The following NBR1 variants were observed in gnomAD, a reference collection of about 807,000 sequenced individuals.
NBR1 encodes NBR1 autophagy cargo receptor.
NBR1 carries 59 observed loss-of-function variants against 115.5 expected under a neutral mutation model. The observed-to-expected ratio is 0.51, with a 90% CI of 0.41 to 0.63. NBR1 has a LOEUF of 0.63. Ranked by LOEUF, NBR1 falls within the 30% of genes least tolerant of loss-of-function variation. NBR1 has a pLI of 0.00. For missense variants in NBR1, 1,043 were observed against 1,150.5 expected (o/e 0.91, Z 1.35); for synonymous variants, 373 against 414.7 (o/e 0.90, Z 1.22).
At chr17:43,206,260 T>C (rs1029090707) in intron 20 of NBR1, among the ~76,000 whole-genome samples, 1 of 152,050 alleles carries the variant, frequency 6.6e-6, no homozygotes, top group African/African-American at 2.4e-5. Context: ...ATTTTAAGGC[T>C]AATTAATAGG....
chr17:43,209,488 G>T, intron 20 of NBR1: 1 of 1,275,062 alleles, frequency 7.8e-7, no homozygotes, highest in Non-Finnish European at 1.1e-6. Context: ...ATTTCCCATA[G>T]CATCTTTCAG....
Position 43,203,682 on chromosome 17 carries a change from C to G in NBR1, c.2623C>G (p.His875Asp), listed in dbSNP as rs765864085. The change falls in exon 20 of 21, where the codon CAC (histidine) becomes GAC (aspartate). Residue 875 changes from histidine to aspartate, a missense_variant and splice_region_variant. Transcript: ENST00000590996. ...AGATAATTTGGTTTTCCTCTGCAGGCACCATCATGGGAGCAGCATTGCTGG... is the reference window on the plus strand; with the variant it reads ...AGATAATTTGGTTTTCCTCTGCAGGGACCATCATGGGAGCAGCATTGCTGG... ...SRQKSYDHSR[H>D]HHGSSIAGGL... The G allele has an allele frequency of 1.2e-6, 2 of 1,602,774 alleles. No individual in the cohort carries two copies. The highest frequency in any genetic ancestry group is 1.7e-6 in the Non-Finnish European group (2 of 1,172,576).
rs371782379 is a variant in NBR1 at position 43,180,803 on chromosome 17, G to A, written c.193G>A (p.Glu65Lys). ...ATTTTTTGTTCTTTTAGGAGAATAT[G>A]AAGAAGCGCTTAAGGTAATGATTAT... is the stretch of plus-strand genomic sequence containing the variant. ...EVSINSQGEY[E>K]EALKMAVKQG... Residue 65 changes from glutamate to lysine, a missense_variant, in exon 5 of 21, where the codon GAA becomes AAA. Physicochemically the swap from Glu to Lys is moderately conservative, Grantham distance 56. Coordinates refer to ENST00000590996, the MANE Select transcript of NBR1 (RefSeq NM_005899.5). 9 of 1,456,312 alleles carry A rather than the reference G, an allele frequency of 6.2e-6. No homozygotes were observed. The African/African-American group carries it at 1.3e-4, about 21-fold the overall frequency. The allele number at this position is 1,456,312 out of a possible 1,614,324, so 90.2% of individuals were successfully genotyped here. A position where few individuals can be genotyped will look rare whatever the true frequency, so the allele number is the denominator to read the frequency against.
In NBR1 at chr17:43,211,418, A is replaced by G. The variant is rs2057413506; in HGVS notation, c.*1344A>G. 6.5e-6 allele frequency: 1 copy of G among 152,676 alleles called. No individual in the cohort carries two copies. The highest frequency in any genetic ancestry group is 2.4e-5 in the African/African-American group (1 of 41,464). 9.5% of individuals were successfully genotyped at this position (152,676 alleles called of 1,614,324 possible). ...TTAGTCATTAGCCATAATGATGTTTATTTACAGTATAACTCCTGAATGCTA... is the reference window on the plus strand; with the variant it reads ...TTAGTCATTAGCCATAATGATGTTTGTTTACAGTATAACTCCTGAATGCTA... On this transcript the variant is annotated 3_prime_UTR_variant, in exon 21 of 21. Transcript: ENST00000590996.
intron 5 of NBR1, among the ~76,000 whole-genome samples, chr17:43,182,581 C>T (rs1349416425): frequency 6.6e-6 from 1 of 150,862 alleles, no homozygotes; most frequent in Non-Finnish European, 1.5e-5. Context: ...ATGACAGCCA[C>T]TTTTTGGACA....
At position 43,210,581 on chromosome 17, in the gene NBR1, A is replaced by G; in HGVS notation, c.*507A>G. 2.5e-6 allele frequency: 1 copy of G among 398,542 alleles called. No homozygotes were observed. The highest frequency in any genetic ancestry group is 4.4e-6 in the Non-Finnish European group (1 of 226,046). The allele number at this position is 398,542 out of a possible 1,614,324, so 24.7% of individuals were successfully genotyped here. A position where few individuals can be genotyped will look rare whatever the true frequency, so the allele number is the denominator to read the frequency against. On this transcript the variant is annotated 3_prime_UTR_variant, in exon 21 of 21. Coordinates refer to ENST00000590996, the MANE Select transcript of NBR1 (RefSeq NM_005899.5). The stretch of plus-strand genomic sequence containing the variant: ...AAATAACACCCAGAGCATGATAGAA[A>G]TGTTGTTACTCTTCCTCTCTCAAGG...
chr17:43,208,893 G>A (rs752918010), intron 20 of NBR1, among the ~76,000 whole-genome samples: 3 of 152,240 alleles, frequency 2.0e-5, no homozygotes, highest in Middle Eastern at 3.4e-3. Context: ...CTTGAGCCCA[G>A]GAGGTTGAGG....
In NBR1 at chr17:43,210,026, A is replaced by G; in HGVS notation, c.2853A>G (p.Thr951=). ...ATTACAATATCCTGCAGGTTGTGAC[A>G]GAACTTCTTCAGTTAAACAACAACG... ...KHNYNILQVV[T]ELLQLNNNDW... is the part of the protein sequence containing the mutation. Residue 951 remains threonine, a synonymous_variant, in exon 21 of 21, where the codon ACA becomes ACG. Transcript: ENST00000590996. 1 of 1,613,410 alleles carries G rather than the reference A, an allele frequency of 6.2e-7. No individual in the cohort carries two copies. Among genetic ancestry groups the G allele is most frequent in the East Asian group, 2.2e-5 (1 of 44,858 alleles).
intron 17 of NBR1, 108 bp from the exon 18 acceptor site, chr17:43,201,578 G>A: frequency 1.5e-6 from 1 of 680,062 alleles, no homozygotes; most frequent in Non-Finnish European, 2.7e-6. Flanking sequence ...GATCAGAAAT[G>A]TGAAGCCTCT....
chr17:43,210,194 G>A lies in NBR1; in HGVS notation c.*120G>A, dbSNP rs140757173. The A allele has an allele frequency of 1.7e-3, 1,516 of 893,366 alleles. 13 individuals carry two copies. In the African/African-American group the frequency reaches 0.023, roughly 14 times the overall value. The allele number at this position is 893,366 out of a possible 1,614,324, so 55.3% of individuals were successfully genotyped here. A position where few individuals can be genotyped will look rare whatever the true frequency, so the allele number is the denominator to read the frequency against. On this transcript the variant is annotated 3_prime_UTR_variant, in exon 21 of 21. Transcript: ENST00000590996. ...CTGATGAATCTGTATAGAGCCCATC[G>A]TTGAGTTACCAAGACAATACCTGCT...
At chr17:43,209,503 A>G in intron 20 of NBR1, 18 of 1,379,874 alleles carry the variant, frequency 1.3e-5, no homozygotes, top group Non-Finnish European at 1.7e-5. Context: ...TTTCAGTAAC[A>G]CTTTTATCTT....
In NBR1 at chr17:43,180,824, AT is replaced by A; in HGVS notation, c.207+9del. On this transcript the variant is annotated splice_region_variant and intron_variant, in intron 5 of 20. Transcript: ENST00000590996. ...ATATGAAGAAGCGCTTAAGGTAATGATTATTTAATCTCATTTTTAAATAATT... is the reference window on the plus strand; with the variant it reads ...ATATGAAGAAGCGCTTAAGGTAATGATATTTAATCTCATTTTTAAATAATT... The A allele has an allele frequency of 7.0e-7, 1 of 1,438,346 alleles. No individual in the cohort carries two copies. Among genetic ancestry groups the A allele is most frequent in the East Asian group, 2.8e-5 (1 of 36,338 alleles). The allele number at this position is 1,438,346 out of a possible 1,614,324, so 89.1% of individuals were successfully genotyped here.
chr17:43,196,846 G>T (rs2057079418), intron 15 of NBR1, 96 bp from the exon 16 acceptor site: 1 of 1,364,404 alleles, frequency 7.3e-7, no homozygotes, highest in African/African-American at 1.4e-5. Flanking sequence ...TTAGATAGCA[G>T]CTATTCCTTG....
In NBR1 at chr17:43,193,619, A is replaced by G; in HGVS notation, c.1505A>G (p.Asp502Gly). ...ATGATCAGCTCAAGCAAAACTGATGATCTCACCTGCCAGCAAGAGGTGAGC... is the reference window on the plus strand; with the variant it reads ...ATGATCAGCTCAAGCAAAACTGATGGTCTCACCTGCCAGCAAGAGGTGAGC... ...KGMISSSKTD[D>G]LTCQQEETFL... The change falls in exon 12 of 21, where the codon GAT (aspartate) becomes GGT (glycine). Residue 502 changes from aspartate to glycine, a missense_variant. By Grantham distance (94) the Asp-to-Gly change is moderately conservative (BLOSUM62 -1). Transcript: ENST00000590996. The G allele has an allele frequency of 1.2e-6, 2 of 1,609,352 alleles. No individual in the cohort carries two copies. The highest frequency in any genetic ancestry group is 1.7e-6 in the Non-Finnish European group (2 of 1,177,776).
intron 9 of NBR1, 21 bp downstream of exon 9, chr17:43,190,797 A>T: frequency 1.9e-6 from 3 of 1,558,446 alleles, no homozygotes; most frequent in Non-Finnish European, 2.6e-6. Context: ...CTACATGGAG[A>T]TGCTTATTCT....
intron 1 of NBR1, among the ~76,000 whole-genome samples, chr17:43,172,600 G>C (rs1163424254): frequency 6.6e-6 from 1 of 152,072 alleles, no homozygotes; most frequent in Non-Finnish European, 1.5e-5. Flanking sequence ...CATTTCATAT[G>C]AATGAATACT....
intron 16 of NBR1, among the ~76,000 whole-genome samples, chr17:43,198,644 T>C (rs1176990338): frequency 6.7e-6 from 1 of 149,692 alleles, no homozygotes; most frequent in African/African-American, 2.5e-5. Flanking sequence ...AGAGCGAGAC[T>C]CCGTCTAAAA....
chr17:43,194,889 A>G lies in NBR1; in HGVS notation c.1675-75A>G. 3 of 1,082,880 alleles carry G rather than the reference A, an allele frequency of 2.8e-6. No homozygotes were observed. The South Asian group carries it at 4.1e-5, about 15-fold the overall frequency. 67.1% of individuals were successfully genotyped at this position (1,082,880 alleles called of 1,614,324 possible). ...CAGAGTTGAATACGAAATGATGTGG[A>G]AATGGTCTACAGGTCCCATCAAGAC... is the stretch of plus-strand genomic sequence containing the variant. On this transcript the variant is annotated intron_variant, in intron 13 of 20. Transcript: ENST00000590996.
At chr17:43,174,588 ACT>A (rs1045127777) in intron 1 of NBR1, among the ~76,000 whole-genome samples, 27 of 151,966 alleles carry the variant, frequency 1.8e-4, no homozygotes, top group African/African-American at 6.5e-4. Context: ...ACAGAACAAG[ACT>A]CTATCTCAAA....
Sources: gnomAD v4.1 joint callset for allele counts (sites outside exome capture counted in the v4.1 genomes callset) on GRCh38, gnomAD v4.1.1 for gene constraint, MANE v1.5 for transcripts, NCBI Gene and HGNC (gene_info 2026-07-23, HGNC 2026-07-21) for gene names.